Variants in OR2A4 observed in about 807,000 individuals in gnomAD.
OR2A4 encodes olfactory receptor 2A4.
For missense variants in OR2A4, 152 were observed against 313.2 expected, an observed-to-expected ratio of 0.49 and a Z score of 3.88; for synonymous variants, 71 against 126.7, an observed-to-expected ratio of 0.56 and a Z score of 2.95.
Position 131,701,205 on chromosome 6 carries a change from G to A in OR2A4, c.197C>T (p.Ala66Val), listed in dbSNP as rs199569552. Residue 66 changes from alanine (A) to valine (V), a missense_variant, in exon 1 of 1, where the codon GCG becomes GTG. By Grantham distance (64) the Ala-to-Val change is moderately conservative. Coordinates refer to ENST00000315453, the MANE Select transcript of OR2A4 (RefSeq NM_030908.2). ...APMYFFLSHL[A>V]VVDIAYACNT... ...GCAGGCGTAGGCGATGTCGACGACC[G>A]CCAGGTGTGAGAGGAAGAAGTACAT... is the stretch of plus-strand genomic sequence containing the variant. The A allele has an allele frequency of 3.0e-4, 350 of 1,184,364 alleles. No individual in the cohort carries two copies. The highest frequency in any genetic ancestry group is 8.0e-4 in the Admixed American group (40 of 50,302). The allele number at this position is 1,184,364 out of a possible 1,614,324, so 73.4% of individuals were successfully genotyped here.
rs141134579 is a variant in OR2A4 at position 131,701,327 on chromosome 6, G to T, written c.75C>A (p.Leu25=). 8.3e-4 allele frequency: 1,340 copies of T among 1,612,500 alleles called. 1 individual carries two copies. Among genetic ancestry groups the T allele is most frequent in the Admixed American group, 1.1e-3 (68 of 59,836 alleles). Residue 25 remains leucine (L), a synonymous_variant, in exon 1 of 1, where the codon CTC becomes CTA. Transcript: ENST00000315453. The stretch of plus-strand genomic sequence containing the variant: ...AGAACAGGGAGAAGAGCCCAAAGAG[G>T]AGCATCTGAATCCTTGGGCCAACGG... ...GFPVGPRIQM[L]LFGLFSLFYV...
In OR2A4 at chr6:131,700,667, A is replaced by C. The variant is rs947242852; in HGVS notation, c.735T>G (p.Cys245Trp). 32 of 1,559,110 alleles carry C rather than the reference A, an allele frequency of 2.1e-5. 4 individuals are homozygous for C. The highest frequency in any genetic ancestry group is 7.4e-5 in the Admixed American group (4 of 53,884). Reference sequence around the variant, plus strand: ...CTGTGCCATAAACGAGTCCAATCACACAGAGGTGGGAGAAGCAGGTGCGGA... The same window carrying C: ...CTGTGCCATAAACGAGTCCAATCACCCAGAGGTGGGAGAAGCAGGTGCGGA... ...KAFRTCFSHLCVIGLVYGTAI... is the reference protein window; with the variant it reads ...KAFRTCFSHLWVIGLVYGTAI... Residue 245 changes from cysteine (C) to tryptophan (W), a missense_variant, in exon 1 of 1, where the codon TGT becomes TGG. Physicochemically the swap from Cys to Trp is radical, Grantham distance 215 (BLOSUM62 -2). Transcript: ENST00000315453.
Position 131,700,641 on chromosome 6 carries a change from G to A in OR2A4, c.761C>T (p.Ala254Val), listed in dbSNP as rs753140520. Reference protein sequence around the residue: ...LCVIGLVYGTAIIMYVGPRYG... With the variant: ...LCVIGLVYGTVIIMYVGPRYG... Reference sequence around the variant, plus strand: ...TCTGGGTCCAACATACATGATAATGGCTGTGCCATAAACGAGTCCAATCAC... The same window carrying A: ...TCTGGGTCCAACATACATGATAATGACTGTGCCATAAACGAGTCCAATCAC... Residue 254 changes from alanine (A) to valine (V), a missense_variant, in exon 1 of 1, where the codon GCC becomes GTC. Physicochemically the swap from Ala to Val is moderately conservative, Grantham distance 64. Transcript: ENST00000315453. The A allele has an allele frequency of 5.1e-6, 8 of 1,557,630 alleles. 2 individuals carry two copies. In the South Asian group the frequency reaches 9.3e-5, roughly 18 times the overall value.
chr6:131,701,031 GC>G lies in OR2A4; in HGVS notation c.370del (p.Ala124ProfsTer12). On this transcript the variant is annotated frameshift_variant, in exon 1 of 1. Transcript: ENST00000315453. LOFTEE classifies it low-confidence loss of function (END_TRUNC). ...CAAATATCGGAGGGGGTGGCAGATG[GC>G]CACGTACAGATCATAGGACATCACC... ...LVVMSYDLYVAICHPLRYLAI... is the reference protein window; with the variant it reads ...LVVMSYDLYVXICHPLRYLAI... 1.9e-6 allele frequency: 1 copy of G among 538,696 alleles called. No homozygotes were observed. Among genetic ancestry groups the G allele is most frequent in the Non-Finnish European group, 3.1e-6 (1 of 327,060 alleles). 33.4% of individuals were successfully genotyped at this position (538,696 alleles called of 1,614,324 possible). A position where few individuals can be genotyped will look rare whatever the true frequency, so the allele number is the denominator to read the frequency against.
rs1356326581 is a variant in OR2A4, at chr6:131,700,982, G to A, written c.420C>T (p.Cys140=). The change falls in exon 1 of 1, where the codon TGC becomes TGT. Residue 140 remains cysteine, a synonymous_variant. Coordinates refer to ENST00000315453, the MANE Select transcript of OR2A4 (RefSeq NM_030908.2). ...RYLAIMTWRV[C]ITLAVTSWTT... ...TCCAGGAAGTCACCGCGAGGGTGAT[G>A]CAGACTCTCCAGGTCATGATGGCCA... The A allele has an allele frequency of 6.9e-6, 4 of 581,934 alleles. No individual in the cohort carries two copies. The highest frequency in any genetic ancestry group is 6.0e-5 in the East Asian group (2 of 33,386). The allele number at this position is 581,934 out of a possible 1,614,324, so 36.0% of individuals were successfully genotyped here. A position where few individuals can be genotyped will look rare whatever the true frequency, so the allele number is the denominator to read the frequency against.
chr6:131,701,150 G>T lies in OR2A4; in HGVS notation c.252C>A (p.Leu84=). 1.4e-6 allele frequency: 1 copy of T among 720,898 alleles called. No individual in the cohort carries two copies. The highest frequency in any genetic ancestry group is 1.7e-5 in the South Asian group (1 of 60,094). 44.7% of individuals were successfully genotyped at this position (720,898 alleles called of 1,614,324 possible). A position where few individuals can be genotyped will look rare whatever the true frequency, so the allele number is the denominator to read the frequency against. The change falls in exon 1 of 1, where the codon CTC becomes CTA. Residue 84 remains leucine (L), a synonymous_variant. Coordinates refer to ENST00000315453, the MANE Select transcript of OR2A4 (RefSeq NM_030908.2). ...AGGAGATGGGCTTGGCTGGATGCAG[G>T]AGGTTCACCAGCATCCGGGGCACCG... ...CNTVPRMLVN[L]LHPAKPISFA...
chr6:131,701,318 C>G lies in OR2A4; in HGVS notation c.84G>C (p.Gly28=). The change falls in exon 1 of 1, where the codon GGG becomes GGC. Residue 28 remains glycine, a synonymous_variant. Coordinates refer to ENST00000315453, the MANE Select transcript of OR2A4 (RefSeq NM_030908.2). ...TGAAGACGTAGAACAGGGAGAAGAG[C>G]CCAAAGAGGAGCATCTGAATCCTTG... ...VGPRIQMLLF[G]LFSLFYVFTL... 1 of 1,610,630 alleles carries G rather than the reference C, an allele frequency of 6.2e-7. No homozygotes were observed. The highest frequency in any genetic ancestry group is 8.5e-7 in the Non-Finnish European group (1 of 1,178,472).
Position 131,700,745 on chromosome 6 carries a change from G to A in OR2A4, c.657C>T (p.Cys219=), listed in dbSNP as rs767928047. 6.5e-7 allele frequency: 1 copy of A among 1,542,290 alleles called. No individual in the cohort carries two copies. The highest frequency in any genetic ancestry group is 8.7e-7 in the Non-Finnish European group (1 of 1,155,904). Residue 219 remains cysteine (C), a synonymous_variant, in exon 1 of 1, where the codon TGC becomes TGT. Transcript: ENST00000315453. ...PLSTIVVSYM[C]ILCAILQIQS... The stretch of plus-strand genomic sequence containing the variant: ...GGATCTGAAGGATAGCACAGAGGAT[G>A]CACATATATGAAACTACAATTGTGG...
chr6:131,700,723 T>A lies in OR2A4; in HGVS notation c.679A>T (p.Ile227Phe). Residue 227 changes from isoleucine to phenylalanine, a missense_variant, in exon 1 of 1, where the codon ATC becomes TTC. Transcript: ENST00000315453. The part of the protein sequence containing the change: ...YMCILCAILQ[I>F]QSREVQRKAF... ...TTCCTCTGAACTTCCCTTGATTGGA[T>A]CTGAAGGATAGCACAGAGGATGCAC... 2 of 1,555,580 alleles carry A rather than the reference T, an allele frequency of 1.3e-6. No individual in the cohort carries two copies. Among genetic ancestry groups the A allele is most frequent in the Non-Finnish European group, 1.7e-6 (2 of 1,164,652 alleles).
chr6:131,700,604 G>A lies in OR2A4; in HGVS notation c.798C>T (p.Pro266=). ...GCAGGAGATATTTCTTCTGCTCCTT[G>A]GGGTTCCCATATCTGGGTCCAACAT... The part of the protein sequence containing the change: ...IMYVGPRYGN[P]KEQKKYLLLF... The change falls in exon 1 of 1, where the codon CCC becomes CCT. Residue 266 remains proline, a synonymous_variant. Coordinates refer to ENST00000315453, the MANE Select transcript of OR2A4 (RefSeq NM_030908.2). 1 of 1,551,142 alleles carries A rather than the reference G, an allele frequency of 6.4e-7. No homozygotes were observed. The highest frequency in any genetic ancestry group is 1.9e-5 in the Admixed American group (1 of 53,006).
Position 131,700,784 on chromosome 6 carries a change from C to T in OR2A4, c.618G>A (p.Leu206=). The T allele has an allele frequency of 6.7e-7, 1 of 1,482,016 alleles. No homozygotes were observed. The highest frequency in any genetic ancestry group is 9.0e-7 in the Non-Finnish European group (1 of 1,114,866). The allele number at this position is 1,482,016 out of a possible 1,614,324, so 91.8% of individuals were successfully genotyped here. A position where few individuals can be genotyped will look rare whatever the true frequency, so the allele number is the denominator to read the frequency against. Residue 206 remains leucine, a synonymous_variant, in exon 1 of 1, where the codon CTG becomes CTA. Coordinates refer to ENST00000315453, the MANE Select transcript of OR2A4 (RefSeq NM_030908.2). The stretch of plus-strand genomic sequence containing the variant: ...CTACAATTGTGGACAAGGGTCCCAC[C>T]AGCCCAGAAATTGCTCCGGCCAAGA... ...NMVLAGAISG[L]VGPLSTIVVS... is the part of the protein sequence containing the mutation.
chr6:131,700,994 G>C lies in OR2A4; in HGVS notation c.408C>G (p.Thr136=). ...CHPLRYLAIM[T]WRVCITLAVT... is the part of the protein sequence containing the mutation. ...CCGCGAGGGTGATGCAGACTCTCCA[G>C]GTCATGATGGCCAAATATCGGAGGG... Residue 136 remains threonine (T), a synonymous_variant, in exon 1 of 1, where the codon ACC becomes ACG. Transcript: ENST00000315453. 2 of 563,008 alleles carry C rather than the reference G, an allele frequency of 3.6e-6. No individual in the cohort carries two copies. Among genetic ancestry groups the C allele is most frequent in the South Asian group, 4.1e-5 (2 of 49,076 alleles). The allele number at this position is 563,008 out of a possible 1,614,324, so 34.9% of individuals were successfully genotyped here.
chr6:131,701,166 C>G lies in OR2A4; in HGVS notation c.236G>C (p.Arg79Pro). 1 of 797,882 alleles carries G rather than the reference C, an allele frequency of 1.3e-6. No homozygotes were observed. The highest frequency in any genetic ancestry group is 1.6e-5 in the South Asian group (1 of 63,842). 49.4% of individuals were successfully genotyped at this position (797,882 alleles called of 1,614,324 possible). The change falls in exon 1 of 1, where the codon CGG becomes CCG. Residue 79 changes from arginine (R) to proline (P), a missense_variant. Transcript: ENST00000315453. ...TGGATGCAGGAGGTTCACCAGCATC[C>G]GGGGCACCGTGTTGCAGGCGTAGGC... ...DIAYACNTVPRMLVNLLHPAK... is the reference protein window; with the variant it reads ...DIAYACNTVPPMLVNLLHPAK...
chr6:131,701,351 G>C lies in OR2A4; in HGVS notation c.51C>G (p.Pro17=). 1.2e-6 allele frequency: 2 copies of C among 1,613,672 alleles called. No homozygotes were observed. Among genetic ancestry groups the C allele is most frequent in the Admixed American group, 1.7e-5 (1 of 59,972 alleles). ...SIREFLLLGF[P]VGPRIQMLLF... ...GGAGCATCTGAATCCTTGGGCCAAC[G>C]GGAAATCCCAGTAGGAGGAACTCTC... The change falls in exon 1 of 1, where the codon CCC becomes CCG. Residue 17 remains proline (P), a synonymous_variant. Transcript: ENST00000315453.
At position 131,700,548 on chromosome 6, in the gene OR2A4, T is replaced by C; in HGVS notation, c.854A>G (p.Asn285Ser). 1.4e-6 allele frequency: 2 copies of C among 1,403,354 alleles called. No individual in the cohort carries two copies. Among genetic ancestry groups the C allele is most frequent in the South Asian group, 2.5e-5 (2 of 80,276 alleles). The allele number at this position is 1,403,354 out of a possible 1,614,324, so 86.9% of individuals were successfully genotyped here. Residue 285 changes from asparagine (N) to serine (S), a missense_variant, in exon 1 of 1, where the codon AAT (asparagine) becomes AGT (serine). Transcript: ENST00000315453. ...GTTCCTAAGACTACAGATAAGGGGA[T>C]TGAGCATGGGATTAAAGAGGCTGTG... ...LFHSLFNPML[N>S]PLICSLRNSE...
chr6:131,701,087 A>C lies in OR2A4; in HGVS notation c.315T>G (p.Thr105=). Reference sequence around the variant, plus strand: ...GGAGGAGACATTCTGTGACAGCAAAAGTGGAAAACAGAAAGGTCTGCATCA... The same window carrying C: ...GGAGGAGACATTCTGTGACAGCAAACGTGGAAAACAGAAAGGTCTGCATCA... ...GRMMQTFLFS[T]FAVTECLLLV... is the part of the protein sequence containing the mutation. The change falls in exon 1 of 1, where the codon ACT becomes ACG. Residue 105 remains threonine (T), a synonymous_variant. Transcript: ENST00000315453. The C allele has an allele frequency of 1.8e-6, 1 of 568,216 alleles. No homozygotes were observed. Among genetic ancestry groups the C allele is most frequent in the South Asian group, 2.0e-5 (1 of 50,500 alleles). 35.2% of individuals were successfully genotyped at this position (568,216 alleles called of 1,614,324 possible).
chr6:131,700,632 A>G lies in OR2A4; in HGVS notation c.770T>C (p.Met257Thr), dbSNP rs751888762. ...GTTCCCATATCTGGGTCCAACATAC[A>G]TGATAATGGCTGTGCCATAAACGAG... is the stretch of plus-strand genomic sequence containing the variant. ...IGLVYGTAIIMYVGPRYGNPK... is the reference protein window; with the variant it reads ...IGLVYGTAIITYVGPRYGNPK... The change falls in exon 1 of 1, where the codon ATG becomes ACG. Residue 257 changes from methionine (M) to threonine (T), a missense_variant. By Grantham distance (81) the Met-to-Thr change is moderately conservative. Transcript: ENST00000315453. 5.8e-6 allele frequency: 9 copies of G among 1,556,742 alleles called. 2 individuals carry two copies. In the East Asian group the frequency reaches 7.6e-5, roughly 13 times the overall value.
rs759842603 is a variant in OR2A4, at chr6:131,701,318, C to T, written c.84G>A (p.Gly28=). The T allele has an allele frequency of 6.2e-7, 1 of 1,610,630 alleles. No homozygotes were observed. The highest frequency in any genetic ancestry group is 8.5e-7 in the Non-Finnish European group (1 of 1,178,472). Residue 28 remains glycine (G), a synonymous_variant, in exon 1 of 1, where the codon GGG becomes GGA. Transcript: ENST00000315453. ...VGPRIQMLLF[G]LFSLFYVFTL... ...TGAAGACGTAGAACAGGGAGAAGAGCCCAAAGAGGAGCATCTGAATCCTTG... is the reference window on the plus strand; with the variant it reads ...TGAAGACGTAGAACAGGGAGAAGAGTCCAAAGAGGAGCATCTGAATCCTTG...
chr6:131,701,219 G>A lies in OR2A4; in HGVS notation c.183C>T (p.Phe61=). Residue 61 remains phenylalanine (F), a synonymous_variant, in exon 1 of 1, where the codon TTC becomes TTT. Transcript: ENST00000315453. The stretch of plus-strand genomic sequence containing the variant: ...TGTCGACGACCGCCAGGTGTGAGAG[G>A]AAGAAGTACATGGGGGCGTGCAGTC... ...DSRLHAPMYF[F]LSHLAVVDIA... is the part of the protein sequence containing the mutation. 7.7e-7 allele frequency: 1 copy of A among 1,292,224 alleles called. No individual in the cohort carries two copies. The allele number at this position is 1,292,224 out of a possible 1,614,324, so 80.0% of individuals were successfully genotyped here.
Sources: allele counts gnomAD v4.1 joint callset, GRCh38; gene constraint gnomAD v4.1.1; transcripts MANE v1.5; gene names NCBI Gene and HGNC (gene_info 2026-07-23, HGNC 2026-07-21).